Variants in DCX observed in about 807,000 individuals in gnomAD.
DCX encodes the protein neuronal migration protein doublecortin.
A neutral mutation model predicts 20.9 loss-of-function variants in DCX; 4 were observed. The observed-to-expected ratio is 0.19, with a 90% CI of 0.09 to 0.44. The LOEUF is 0.44. DCX is among the 20% of genes least tolerant of loss of function. The probability of loss-of-function intolerance (pLI) is 0.99; values close to 1 mark genes in which losing one functional copy is unlikely to be tolerated. For missense variants in DCX, 133 were observed against 296.9 expected, an observed-to-expected ratio of 0.45 and a Z score of 4.06; for synonymous variants, 103 against 111.4, an observed-to-expected ratio of 0.92 and a Z score of 0.47.
chrX:111,392,889 G>T (rs2147251174), intron 3 of DCX, among the ~76,000 whole-genome samples: 1 of 110,904 alleles, frequency 9.0e-6, no homozygotes, highest in African/African-American at 3.3e-5. Flanking sequence ...TAGGATATTT[G>T]ACAGGGAAGT....
At chrX:111,398,446 C>T (rs1927511030) in intron 3 of DCX, among the ~76,000 whole-genome samples, 1 of 110,797 alleles carries the variant, frequency 9.0e-6, no homozygotes, top group Admixed American at 9.6e-5. Context: ...AGATGACCTC[C>T]AGGGGTCAGG....
At chrX:111,357,277 C>T (rs769870620) in intron 3 of DCX, among the ~76,000 whole-genome samples, 6 of 111,427 alleles carry the variant, frequency 5.4e-5, no homozygotes, top group Non-Finnish European at 1.1e-4. Flanking sequence ...AACTATGTAA[C>T]CTTGGTAAGT....
intron 3 of DCX, among the ~76,000 whole-genome samples, chrX:111,366,391 A>G (rs1924634872): frequency 8.9e-6 from 1 of 112,202 alleles, no homozygotes; most frequent in African/African-American, 3.2e-5. Context: ...GGTAAAAAGT[A>G]ATCAGTCCAG....
At chrX:111,390,801 C>A (rs1212109359) in intron 3 of DCX, among the ~76,000 whole-genome samples, 2 of 110,187 alleles carry the variant, frequency 1.8e-5, no homozygotes, top group African/African-American at 6.6e-5. Context: ...GAGTTTGAGA[C>A]CAGCCTGGCC....
chrX:111,406,877 C>G (rs1334394948), intron 2 of DCX, among the ~76,000 whole-genome samples: 1 of 112,054 alleles, frequency 8.9e-6, no homozygotes, highest in Non-Finnish European at 1.9e-5. Context: ...ATGATGGTTG[C>G]ACCACTTGAT....
intron 2 of DCX, among the ~76,000 whole-genome samples, chrX:111,404,748 A>T: frequency 8.9e-6 from 1 of 112,182 alleles, no homozygotes; most frequent in Non-Finnish European, 1.9e-5. Context: ...ATAGCTGCCC[A>T]CCTCCAAGGA....
At chrX:111,363,946 C>A (rs1924410816) in intron 3 of DCX, among the ~76,000 whole-genome samples, 1 of 111,921 alleles carries the variant, frequency 8.9e-6, no homozygotes, top group African/African-American at 3.2e-5. Flanking sequence ...TCCTTTATGC[C>A]TTACTACATA....
intron 6 of DCX, among the ~76,000 whole-genome samples, chrX:111,304,645 T>G (rs2095041143): frequency 9.0e-6 from 1 of 111,635 alleles, no homozygotes; most frequent in South Asian, 3.8e-4. Flanking sequence ...TTAACCTGAC[T>G]CAGAGCACAC....
chrX:111,400,595 A>G (rs1171599773), intron 3 of DCX, among the ~76,000 whole-genome samples: 2 of 112,695 alleles, frequency 1.8e-5, no homozygotes, highest in Non-Finnish European at 3.7e-5. Context: ...CTGAGCATCA[A>G]TGTGAGGGTA....
At chrX:111,337,765 A>C (rs1921869798) in intron 3 of DCX, among the ~76,000 whole-genome samples, 1 of 112,429 alleles carries the variant, frequency 8.9e-6, no homozygotes, top group South Asian at 3.7e-4. Context: ...TACTTTCTTC[A>C]AAAGTTCAAT....
Position 111,347,140 on chromosome X carries a change from TAAG to T in DCX, c.706-13990_706-13988del, listed in dbSNP as rs753228874. On this transcript the variant is annotated intron_variant, in intron 3 of 6. Coordinates refer to ENST00000636035, the MANE Select transcript of DCX (RefSeq NM_001195553.2). ...TATTAGTAGTAGTAACAAGCAAGAG[TAAG>T]AAGAATCTAAAACCCATAATTAAAT... Among the ~76,000 whole-genome samples, 5 of 111,536 alleles carry T rather than the reference TAAG, an allele frequency of 4.5e-5. No homozygotes were observed. The East Asian group carries it at 1.4e-3, about 31-fold the overall frequency.
chrX:111,324,640 G>A (rs1376499219), intron 5 of DCX, among the ~76,000 whole-genome samples: 3 of 111,809 alleles, frequency 2.7e-5, no homozygotes, highest in East Asian at 2.8e-4. Context: ...GATTAAATTC[G>A]TTAATACAAG....
intron 5 of DCX, among the ~76,000 whole-genome samples, chrX:111,317,647 A>G (rs915189967): frequency 6.2e-5 from 7 of 112,023 alleles, no homozygotes; most frequent in African/African-American, 2.3e-4. Context: ...GGTAGAAAAT[A>G]CTTGCAAATT....
At chrX:111,388,558 T>C (rs1230317933) in intron 3 of DCX, among the ~76,000 whole-genome samples, 1 of 112,542 alleles carries the variant, frequency 8.9e-6, no homozygotes, top group Non-Finnish European at 1.9e-5. Context: ...TGGGGAATAC[T>C]GGTCTAAACA....
At chrX:111,400,223 C>T (rs1258255619) in intron 3 of DCX, among the ~76,000 whole-genome samples, 2 of 111,490 alleles carry the variant, frequency 1.8e-5, no homozygotes, top group African/African-American at 6.5e-5. Context: ...TTTACAGCTC[C>T]CTATGCTTAA....
chrX:111,322,232 T>A (rs2095088278), intron 5 of DCX, among the ~76,000 whole-genome samples: 1 of 111,685 alleles, frequency 9.0e-6, no homozygotes, highest in Admixed American at 9.5e-5. Flanking sequence ...TTAACAAGGA[T>A]ATAGGGGCTC....
intron 2 of DCX, among the ~76,000 whole-genome samples, chrX:111,403,228 T>C (rs1316253547): frequency 8.9e-6 from 1 of 111,982 alleles, no homozygotes. Flanking sequence ...GAGTCAGATG[T>C]TTTCCATAAC....
intron 3 of DCX, among the ~76,000 whole-genome samples, chrX:111,339,142 C>T (rs1921997154): frequency 8.9e-6 from 1 of 112,149 alleles, no homozygotes; most frequent in Non-Finnish European, 1.9e-5. Context: ...TTGAAAGCCC[C>T]AGTGCTCAGG....
intron 5 of DCX, among the ~76,000 whole-genome samples, chrX:111,319,851 C>T: frequency 8.9e-6 from 1 of 112,254 alleles, no homozygotes; most frequent in Admixed American, 9.4e-5. Flanking sequence ...TTTACAGATT[C>T]TAGTGTCCCA....
Sources: gnomAD v4.1 joint callset for allele counts (sites outside exome capture counted in the v4.1 genomes callset) on GRCh38, gnomAD v4.1.1 for gene constraint, MANE v1.5 for transcripts, NCBI Gene and HGNC (gene_info 2026-07-23, HGNC 2026-07-21) for gene names.